QPCT: variants seen among roughly 807,000 people sequenced by gnomAD.
QPCT encodes glutaminyl-peptide cyclotransferase, also known as EC.
QPCT carries 44 observed loss-of-function variants against 43.4 expected under a neutral mutation model. The ratio of observed to expected loss-of-function variants is 1.01; its 90% CI spans 0.80 to 1.30. QPCT has a LOEUF of 1.30. Among genes scored for constraint, QPCT ranks in the 50% most tolerant of loss-of-function variants. The pLI is 0.00. For synonymous variants in QPCT, 168 were observed against 168.4 expected (o/e 1.00, Z 0.02); for missense variants, 526 against 436.5 (o/e 1.21, Z -1.83).
intron 2 of QPCT, among the ~76,000 whole-genome samples, chr2:37,356,651 G>C (rs1472617417): frequency 1.3e-5 from 2 of 152,184 alleles, no homozygotes; most frequent in East Asian, 3.8e-4. Flanking sequence ...CAGCCAATTT[G>C]ATCGTTTATA....
chr2:37,347,164 A>ATGTT (rs555548922), intron 1 of QPCT, among the ~76,000 whole-genome samples: 1 of 29,792 alleles, frequency 3.4e-5, no homozygotes, highest in African/African-American at 2.2e-4. Context: ...ATATATATAT[A>ATGTT]ACATATATAT....
chr2:37,364,001 G>A (rs966775708), intron 3 of QPCT, among the ~76,000 whole-genome samples: 1 of 152,110 alleles, frequency 6.6e-6, no homozygotes, highest in Non-Finnish European at 1.5e-5. Flanking sequence ...TTCCAGTTAG[G>A]TCATATAAAA....
rs1166979024 is a variant in QPCT, at chr2:37,372,956, GTGTCTTTGGTTATCAGATCAA to G, written c.*131_*151del. 8.0e-6 allele frequency: 6 copies of G among 746,232 alleles called. No homozygotes were observed. The East Asian group carries it at 1.7e-4, about 22-fold the overall frequency. 46.2% of individuals were successfully genotyped at this position (746,232 alleles called of 1,614,324 possible). A position where few individuals can be genotyped will look rare whatever the true frequency, so the allele number is the denominator to read the frequency against. On this transcript the variant is annotated 3_prime_UTR_variant, in exon 7 of 7. Transcript: ENST00000338415. ...ATCCTATAGATCATCCTATTCTTATGTGTCTTTGGTTATCAGATCAATTACAGAATAATTGTGTTGTGATAT... is the reference window on the plus strand; with the variant it reads ...ATCCTATAGATCATCCTATTCTTATGTTACAGAATAATTGTGTTGTGATAT...
At chr2:37,350,936 G>A (rs1052876071) in intron 1 of QPCT, among the ~76,000 whole-genome samples, 3 of 152,212 alleles carry the variant, frequency 2.0e-5, no homozygotes, top group East Asian at 3.8e-4. Context: ...ATGAGGTTTA[G>A]TAACCTGGAA....
intron 4 of QPCT, among the ~76,000 whole-genome samples, chr2:37,368,051 A>G (rs1178548671): frequency 6.6e-6 from 1 of 152,162 alleles, no homozygotes; most frequent in African/African-American, 2.4e-5. Context: ...TCAGGCCTTT[A>G]TAAGTCTGAA....
At chr2:37,354,339 G>A (rs1672696140) in intron 2 of QPCT, among the ~76,000 whole-genome samples, 1 of 152,232 alleles carries the variant, frequency 6.6e-6, no homozygotes, top group South Asian at 2.1e-4. Flanking sequence ...TTTAGGCAGA[G>A]TGAAGAATAA....
chr2:37,365,924 A>C (rs1672950332), intron 3 of QPCT, among the ~76,000 whole-genome samples: 1 of 152,244 alleles, frequency 6.6e-6, no homozygotes, highest in Admixed American at 6.5e-5. Context: ...AAGCAAGGCC[A>C]GACAGTGTGG....
chr2:37,353,348 G>C (rs180855319), intron 2 of QPCT, among the ~76,000 whole-genome samples: 256 of 152,296 alleles, frequency 1.7e-3, no homozygotes, highest in African/African-American at 5.8e-3. Context: ...TATTTTCCCT[G>C]GAGGGAGAGT....
intron 1 of QPCT, among the ~76,000 whole-genome samples, chr2:37,349,154 T>G (rs1345357477): frequency 6.6e-6 from 1 of 152,228 alleles, no homozygotes; most frequent in South Asian, 2.1e-4. Flanking sequence ...CTTCAGTTAC[T>G]GGGAAGCTTT....
At chr2:37,347,260 T>C (rs370424263) in intron 1 of QPCT, among the ~76,000 whole-genome samples, 13 of 107,406 alleles carry the variant, frequency 1.2e-4, no homozygotes, top group African/African-American at 4.5e-4. Context: ...TATATATATA[T>C]ACATCCACCT....
chr2:37,372,363 A>T lies in QPCT; in HGVS notation c.831A>T (p.Glu277Asp). 1 of 1,610,336 alleles carries T rather than the reference A, an allele frequency of 6.2e-7. No individual in the cohort carries two copies. The highest frequency in any genetic ancestry group is 8.5e-7 in the Non-Finnish European group (1 of 1,176,570). Residue 277 changes from glutamate (E) to aspartate (D), a missense_variant, in exon 6 of 7, where the codon GAA becomes GAT. By Grantham distance (45) the Glu-to-Asp change is conservative. Transcript: ENST00000338415. Reference sequence around the variant, plus strand: ...TATAATTGTCATCTACAGAACATGAACTTCATGAATTGGGTTTGCTCAAGG... The same window carrying T: ...TATAATTGTCATCTACAGAACATGATCTTCATGAATTGGGTTTGCTCAAGG... ...WFERLQAIEH[E>D]LHELGLLKDH... is the part of the protein sequence containing the mutation.
chr2:37,365,301 G>A (rs1672940249), intron 3 of QPCT, among the ~76,000 whole-genome samples: 1 of 152,130 alleles, frequency 6.6e-6, no homozygotes, highest in Non-Finnish European at 1.5e-5. Flanking sequence ...AATGAAGCAA[G>A]TGTAGCCAGG....
In QPCT at chr2:37,344,650, A is replaced by G. The variant is rs1365588795; in HGVS notation, c.-82A>G. ...GGCGCAGTCGACCCAAGGGTGGAGA[A>G]GAGGGAAGGCGAAGGACGCGCGTTC... On this transcript the variant is annotated 5_prime_UTR_variant, in exon 1 of 7. Coordinates refer to ENST00000338415, the MANE Select transcript of QPCT (RefSeq NM_012413.4). 6.6e-7 allele frequency: 1 copy of G among 1,515,746 alleles called. No individual in the cohort carries two copies. The highest frequency in any genetic ancestry group is 2.0e-5 in the Admixed American group (1 of 48,970). The allele number at this position is 1,515,746 out of a possible 1,614,324, so 93.9% of individuals were successfully genotyped here.
intron 3 of QPCT, among the ~76,000 whole-genome samples, chr2:37,364,672 C>T (rs1218720896): frequency 6.6e-6 from 1 of 152,156 alleles, no homozygotes; most frequent in South Asian, 2.1e-4. Flanking sequence ...GTCTGAGTAA[C>T]TGCAAGGGGG....
At chr2:37,353,295 G>T (rs1158461865) in intron 2 of QPCT, among the ~76,000 whole-genome samples, 1 of 152,176 alleles carries the variant, frequency 6.6e-6, no homozygotes, top group Non-Finnish European at 1.5e-5. Flanking sequence ...TAAGTCAAGA[G>T]TATCATTGTA....
At chr2:37,366,041 G>C (rs753593265) in intron 3 of QPCT, among the ~76,000 whole-genome samples, 45 of 152,212 alleles carry the variant, frequency 3.0e-4, no homozygotes, top group Non-Finnish European at 4.7e-4. Context: ...AGGGGCAAGG[G>C]AGTTGAGGGT....
At position 37,350,992 on chromosome 2, in the gene QPCT, G is replaced by C. The variant is rs149082103; in HGVS notation, c.121-1797G>C. 3.9e-5 allele frequency among the ~76,000 whole-genome samples: 6 copies of C among 152,322 alleles called. No homozygotes were observed. The East Asian group carries it at 9.6e-4, about 24-fold the overall frequency. On this transcript the variant is annotated intron_variant, in intron 1 of 6. Coordinates refer to ENST00000338415, the MANE Select transcript of QPCT (RefSeq NM_012413.4). ...GTGGGGTGCTGAGTTGAGAGGCTGA[G>C]TTGAGAGGGTCTGTCTGATCCTATA... is the stretch of plus-strand genomic sequence containing the variant.
At position 37,365,639 on chromosome 2, in the gene QPCT, T is replaced by C. The variant is rs142934960; in HGVS notation, c.547-1593T>C. On this transcript the variant is annotated intron_variant, in intron 3 of 6. Transcript: ENST00000338415. ...GAATTATCCAGCAGAGATAGAAAAATTGATGATGTAGGAGAGAAATGGTAT... is the reference window on the plus strand; with the variant it reads ...GAATTATCCAGCAGAGATAGAAAAACTGATGATGTAGGAGAGAAATGGTAT... 7.4e-4 allele frequency among the ~76,000 whole-genome samples: 113 copies of C among 152,032 alleles called. 1 individual carries two copies. The East Asian group carries it at 0.021, about 28-fold the overall frequency.
At chr2:37,371,771 C>T (rs11897397) in intron 5 of QPCT, among the ~76,000 whole-genome samples, 6,372 of 152,140 alleles carry the variant, frequency 0.042, 436 homozygotes, top group African/African-American at 0.15. Context: ...GGACTCCAGC[C>T]CCAGAATTTC....
Sources: gnomAD v4.1 joint callset for allele counts (sites outside exome capture counted in the v4.1 genomes callset) on GRCh38, gnomAD v4.1.1 for gene constraint, MANE v1.5 for transcripts, NCBI Gene and HGNC (gene_info 2026-07-23, HGNC 2026-07-21) for gene names.